Variants in KIF13A observed in about 807,000 individuals in gnomAD.
KIF13A encodes the protein kinesin-like protein KIF13A.
Under a neutral mutation model 212.2 loss-of-function variants are expected in KIF13A, and 79 were observed. The observed-to-expected ratio is 0.37, with a 90% CI of 0.31 to 0.45. The LOEUF is 0.45. Ranked by LOEUF, KIF13A falls within the 20% of genes least tolerant of loss-of-function variation. KIF13A has a pLI of 1.00. For synonymous variants in KIF13A, 789 were observed against 808.6 expected (o/e 0.98, Z 0.41); for missense variants, 1,901 against 2,209.0 (o/e 0.86, Z 2.79).
In KIF13A at chr6:17,826,136, C is replaced by T. The variant is rs770855194; in HGVS notation, c.1533-12G>A. ...CGTTCACACAGGACCTGGGAGAACA[C>T]GAGGGAAAATACCAGGTAAATGGGA... On this transcript the variant is annotated splice_polypyrimidine_tract_variant and intron_variant, in intron 14 of 38. Coordinates refer to ENST00000259711, the MANE Select transcript of KIF13A (RefSeq NM_022113.6). This position sits in a 1 kb window ranked among gnomAD's most constrained non-coding sequence, Gnocchi z 4.7. 43 of 1,609,326 alleles carry T rather than the reference C, an allele frequency of 2.7e-5. No homozygotes were observed. Among genetic ancestry groups the T allele is most frequent in the Non-Finnish European group, 3.4e-5 (40 of 1,176,290 alleles).
In KIF13A at chr6:17,982,633, C is replaced by T. The variant is rs1218446621; in HGVS notation, c.146+4421G>A. 9.9e-5 allele frequency among the ~76,000 whole-genome samples: 15 copies of T among 152,078 alleles called. No individual in the cohort carries two copies. Among genetic ancestry groups the T allele is most frequent in the Admixed American group, 9.8e-4 (15 of 15,264 alleles). The stretch of plus-strand genomic sequence containing the variant: ...TTTAGCCCAACATTTTATTTTTACA[C>T]AGTAGGTTAGATATGCACTTTATTT... On this transcript the variant is annotated intron_variant, in intron 2 of 38. Coordinates refer to ENST00000259711, the MANE Select transcript of KIF13A (RefSeq NM_022113.6). The surrounding 1 kb of genome is among the most constrained non-coding windows in gnomAD (Gnocchi z 5.1).
intron 17 of KIF13A, among the ~76,000 whole-genome samples, chr6:17,813,422 G>T (rs1763611227): frequency 6.6e-6 from 1 of 152,168 alleles, no homozygotes; most frequent in Non-Finnish European, 1.5e-5. Flanking sequence ...GGAGGTTGCA[G>T]TGAGCGGATA....
rs1348434292 is a variant in KIF13A at position 17,985,635 on chromosome 6, G to C, written c.146+1419C>G. On this transcript the variant is annotated intron_variant, in intron 2 of 38. Transcript: ENST00000259711. ...TCCCGAAACAATATGCAGTTTGCGG[G>C]GGGGTGGGGGGAGGGGACATTCGTT... is the stretch of plus-strand genomic sequence containing the variant. Among the ~76,000 whole-genome samples the C allele has an allele frequency of 2.6e-4, 28 of 109,650 alleles. 1 individual carries two copies. Among genetic ancestry groups the C allele is most frequent in the African/African-American group, 9.5e-4 (25 of 26,306 alleles). The allele number at this position is 109,650 out of a possible 152,430, so 71.9% of individuals were successfully genotyped here.
chr6:17,971,578 C>A lies in KIF13A; in HGVS notation c.146+15476G>T, dbSNP rs989281537. ...CTGGGACTACAAGTGAGCACTACTA[C>A]CACACCCAGCTAATTTTTCTATTTT... On this transcript the variant is annotated intron_variant, in intron 2 of 38. Transcript: ENST00000259711. This position sits in a 1 kb window ranked among gnomAD's most constrained non-coding sequence, Gnocchi z 4.2. 1.3e-5 allele frequency among the ~76,000 whole-genome samples: 2 copies of A among 152,024 alleles called. No homozygotes were observed. Among genetic ancestry groups the A allele is most frequent in the Non-Finnish European group, 2.9e-5 (2 of 68,018 alleles).
In KIF13A at chr6:17,811,822, T is replaced by C. The variant is rs75820097; in HGVS notation, c.2001-2892A>G. The stretch of plus-strand genomic sequence containing the variant: ...TTTTTCTTCCTTCCTTCCTTCCTTC[T>C]CTCCCTCCCTTTTTCTTTCTTTCCT... On this transcript the variant is annotated intron_variant, in intron 17 of 38. Coordinates refer to ENST00000259711, the MANE Select transcript of KIF13A (RefSeq NM_022113.6). This position sits in a 1 kb window ranked among gnomAD's most constrained non-coding sequence, Gnocchi z 6.0. 0.043 allele frequency among the ~76,000 whole-genome samples: 6,521 copies of C among 151,704 alleles called. 347 individuals carry two copies. Among genetic ancestry groups the C allele is most frequent in the African/African-American group, 0.12 (5,104 of 41,334 alleles).
At chr6:17,846,721 G>T (rs1384543033) in intron 9 of KIF13A, among the ~76,000 whole-genome samples, 1 of 151,790 alleles carries the variant, frequency 6.6e-6, no homozygotes, top group Admixed American at 6.6e-5. Context: ...TCTAAATCAC[G>T]TAATCACCAA....
intron 7 of KIF13A, 32 bp downstream of exon 7, chr6:17,851,923 C>G (rs1182963183): frequency 8.5e-7 from 1 of 1,182,770 alleles, no homozygotes; most frequent in South Asian, 1.7e-5. Context: ...TTATAGTCAG[C>G]TTTTAATCAC....
intron 6 of KIF13A, among the ~76,000 whole-genome samples, chr6:17,854,546 A>ATTT (rs36073765): frequency 0.025 from 1,944 of 77,108 alleles, 400 homozygotes; most frequent in African/African-American, 0.03. Flanking sequence ...AATCAGTATA[A>ATTT]TTTTTTTTTT....
intron 2 of KIF13A, among the ~76,000 whole-genome samples, chr6:17,903,932 C>G (rs1773268298): frequency 6.6e-6 from 1 of 151,422 alleles, no homozygotes; most frequent in African/African-American, 2.4e-5. Context: ...GTGGGAGGAT[C>G]ACTTGAGTCC....
At chr6:17,877,129 T>TTC (rs371357176) in intron 3 of KIF13A, among the ~76,000 whole-genome samples, 2 of 138,878 alleles carry the variant, frequency 1.4e-5, no homozygotes, top group East Asian at 2.0e-4. Context: ...ATACGCAATG[T>TTC]TCTCTCTCTC....
In KIF13A at chr6:17,849,521, A is replaced by G. The variant is rs1465913063; in HGVS notation, c.718-32T>C. The G allele has an allele frequency of 6.5e-7, 1 of 1,531,278 alleles. No homozygotes were observed. 94.9% of individuals were successfully genotyped at this position (1,531,278 alleles called of 1,614,324 possible). ...ATAGGAAACGAGAGAGAGAAGAAAA[A>G]CTTATCAATAAAAACCACATGGATA... On this transcript the variant is annotated intron_variant, in intron 8 of 38. Coordinates refer to ENST00000259711, the MANE Select transcript of KIF13A (RefSeq NM_022113.6). This position sits in a 1 kb window ranked among gnomAD's most constrained non-coding sequence, Gnocchi z 5.7.
chr6:17,761,675 G>A (rs942830355), downstream of KIF13A, among the ~76,000 whole-genome samples: 23 of 152,162 alleles, frequency 1.5e-4, no homozygotes, highest in African/African-American at 2.4e-5. Flanking sequence ...GAGCCACTGC[G>A]CTCCGCTAAA....
In KIF13A at chr6:17,892,612, C is replaced by T. The variant is rs1772170389; in HGVS notation, c.159+5556G>A. Among the ~76,000 whole-genome samples, 2 of 152,174 alleles carry T rather than the reference C, an allele frequency of 1.3e-5. No homozygotes were observed. Among genetic ancestry groups the T allele is most frequent in the Admixed American group, 6.5e-5 (1 of 15,274 alleles). On this transcript the variant is annotated intron_variant, in intron 3 of 38. Transcript: ENST00000259711. This position sits in a 1 kb window ranked among gnomAD's most constrained non-coding sequence, Gnocchi z 4.7. Reference sequence around the variant, plus strand: ...CCAAGGCAGGATTAGAGGGTTGGAACATTTAGCCCAATTCTTGACTTCTGG... The same window carrying T: ...CCAAGGCAGGATTAGAGGGTTGGAATATTTAGCCCAATTCTTGACTTCTGG...
rs888325070 is a variant in KIF13A at position 17,776,352 on chromosome 6, T to C, written c.4170+925A>G. On this transcript the variant is annotated intron_variant, in intron 34 of 38. Transcript: ENST00000259711. The surrounding 1 kb of genome is among the most constrained non-coding windows in gnomAD (Gnocchi z 4.6). ...GGCTAATAATTTCTAGGTACCACTT[T>C]AGCTGCATTGCACAAACACTGATCT... is the stretch of plus-strand genomic sequence containing the variant. Among the ~76,000 whole-genome samples the C allele has an allele frequency of 9.8e-5, 15 of 152,344 alleles. No individual in the cohort carries two copies. The South Asian group carries it at 1.9e-3, about 19-fold the overall frequency.
chr6:17,938,238 GATTT>G (rs1776651191), intron 2 of KIF13A, among the ~76,000 whole-genome samples: 1 of 152,142 alleles, frequency 6.6e-6, no homozygotes, highest in Non-Finnish European at 1.5e-5. Context: ...TTTAATGCAT[GATTT>G]ATTACAACCC....
At chr6:17,833,919 GA>G in intron 12 of KIF13A, 41 bp downstream of exon 12, 1 of 971,058 alleles carries the variant, frequency 1.0e-6, no homozygotes, top group Non-Finnish European at 1.5e-6. Context: ...GACAATAAGT[GA>G]AAAAGAATCC....
intron 3 of KIF13A, among the ~76,000 whole-genome samples, chr6:17,887,715 C>CA (rs1157820145): frequency 6.6e-6 from 1 of 151,974 alleles, no homozygotes; most frequent in Non-Finnish European, 1.5e-5. Context: ...TTTTTTGAGT[C>CA]AGAGTCTCGC....
At chr6:17,940,442 T>C (rs1776862107) in intron 2 of KIF13A, among the ~76,000 whole-genome samples, 1 of 152,240 alleles carries the variant, frequency 6.6e-6, no homozygotes, top group South Asian at 2.1e-4. Flanking sequence ...ATTTTACATA[T>C]GGTAGGAAAA....
chr6:17,972,442 C>T (rs1035216454), intron 2 of KIF13A, among the ~76,000 whole-genome samples: 1 of 152,228 alleles, frequency 6.6e-6, no homozygotes, highest in Non-Finnish European at 1.5e-5. Context: ...AATCTTTACA[C>T]ATTCTCTCTT....
Sources: allele counts gnomAD v4.1 joint callset (sites outside exome capture counted in the v4.1 genomes callset), GRCh38; gene constraint gnomAD v4.1.1; non-coding constraint Gnocchi (gnomAD v3.1); transcripts MANE v1.5; gene names NCBI Gene and HGNC (gene_info 2026-07-23, HGNC 2026-07-21).